DACH1: variants seen among roughly 807,000 people sequenced by gnomAD.
DACH1 encodes the protein dachshund family transcription factor 1.
In DACH1, 12 loss-of-function variants were observed where a neutral mutation model predicts 54.2. The ratio of observed to expected loss-of-function variants is 0.22; its 90% CI spans 0.14 to 0.36. DACH1 has a LOEUF of 0.36. Among genes scored for constraint, DACH1 ranks in the 10% least tolerant of loss-of-function variants. The probability of loss-of-function intolerance (pLI) is 1.00; values close to 1 mark genes in which losing one functional copy is unlikely to be tolerated. For synonymous variants in DACH1, 386 were observed against 366.2 expected (o/e 1.05, Z -0.62); for missense variants, 805 against 929.8 (o/e 0.87, Z 1.75).
chr13:71,565,547 A>G (rs1884848304), intron 4 of DACH1, among the ~76,000 whole-genome samples: 1 of 152,190 alleles, frequency 6.6e-6, no homozygotes, highest in Admixed American at 6.5e-5. Flanking sequence ...TCCTGTATTC[A>G]GAAAAATGCT....
intron 1 of DACH1, among the ~76,000 whole-genome samples, chr13:71,710,741 T>C (rs1882684920): frequency 6.6e-6 from 1 of 152,082 alleles, no homozygotes; most frequent in Non-Finnish European, 1.5e-5. Context: ...TTTCCTTTCT[T>C]CCCTCTTTAC....
chr13:71,865,561 C>T (rs946725984), intron 1 of DACH1, among the ~76,000 whole-genome samples: 1 of 152,104 alleles, frequency 6.6e-6, no homozygotes, highest in African/African-American at 2.4e-5. Flanking sequence ...AGAGGGGTCT[C>T]CAGGCGCCCG....
chr13:71,736,762 G>A (rs539899615), intron 1 of DACH1, among the ~76,000 whole-genome samples: 1 of 152,290 alleles, frequency 6.6e-6, no homozygotes, highest in Non-Finnish European at 1.5e-5. Context: ...TCGATCTGAT[G>A]TATATGAGTA....
intron 6 of DACH1, among the ~76,000 whole-genome samples, chr13:71,544,140 T>C (rs1883315644): frequency 6.6e-6 from 1 of 152,116 alleles, no homozygotes; most frequent in African/African-American, 2.4e-5. Flanking sequence ...CAACTGCCTA[T>C]GACAATTCTC....
chr13:71,787,994 G>A (rs148263631), intron 1 of DACH1, among the ~76,000 whole-genome samples: 4 of 152,258 alleles, frequency 2.6e-5, no homozygotes, highest in African/African-American at 9.6e-5. Context: ...ATATAGTAGT[G>A]TATAGAATTT....
chr13:71,521,702 C>A (rs746746205), intron 6 of DACH1, among the ~76,000 whole-genome samples: 3 of 152,034 alleles, frequency 2.0e-5, no homozygotes, highest in Non-Finnish European at 4.4e-5. Context: ...GTAAAGTAAT[C>A]ACCTGATCCC....
At chr13:71,830,247 C>T (rs1594274121) in intron 1 of DACH1, among the ~76,000 whole-genome samples, 1 of 151,670 alleles carries the variant, frequency 6.6e-6, no homozygotes, top group African/African-American at 2.4e-5. Flanking sequence ...CTTATGATAG[C>T]CAATAGGAAA....
At chr13:71,641,619 CAT>C (rs1304107858) in intron 2 of DACH1, among the ~76,000 whole-genome samples, 2 of 152,092 alleles carry the variant, frequency 1.3e-5, no homozygotes, top group Admixed American at 6.6e-5. Flanking sequence ...TAGAAAAACA[CAT>C]AGTGCCATGT....
intron 1 of DACH1, among the ~76,000 whole-genome samples, chr13:71,722,614 A>T (rs184105269): frequency 1.2e-3 from 188 of 152,316 alleles, no homozygotes; most frequent in African/African-American, 3.6e-3. Flanking sequence ...GATATATATC[A>T]TTTTCTCATT....
chr13:71,645,153 A>G (rs1220128523), intron 2 of DACH1, among the ~76,000 whole-genome samples: 1 of 152,226 alleles, frequency 6.6e-6, no homozygotes. Flanking sequence ...AAGAAACCAT[A>G]AAGTGCTACT....
intron 3 of DACH1, among the ~76,000 whole-genome samples, chr13:71,625,716 T>C (rs1594007796): frequency 6.6e-6 from 1 of 152,050 alleles, no homozygotes; most frequent in East Asian, 1.9e-4. Flanking sequence ...TTTGAGCATG[T>C]GAAATGTGTT....
At chr13:71,736,115 C>G (rs1212145508) in intron 1 of DACH1, among the ~76,000 whole-genome samples, 1 of 152,086 alleles carries the variant, frequency 6.6e-6, no homozygotes, top group Non-Finnish European at 1.5e-5. Context: ...TTCTAGACAT[C>G]AACCCCAAGC....
chr13:71,775,717 CAAT>C (rs1421767156), intron 1 of DACH1, among the ~76,000 whole-genome samples: 1 of 152,028 alleles, frequency 6.6e-6, no homozygotes, highest in African/African-American at 2.4e-5. Context: ...AAAAATAACA[CAAT>C]GATAGGCAGT....
intron 6 of DACH1, among the ~76,000 whole-genome samples, chr13:71,555,519 T>C (rs1181760158): frequency 6.6e-6 from 1 of 151,826 alleles, no homozygotes; most frequent in Non-Finnish European, 1.5e-5. Flanking sequence ...AATTTTTGTA[T>C]TTTTAGTAGA....
intron 2 of DACH1, among the ~76,000 whole-genome samples, chr13:71,634,674 A>G (rs902003192): frequency 1.3e-5 from 2 of 152,086 alleles, no homozygotes; most frequent in South Asian, 2.1e-4. Context: ...TACTCTTTTA[A>G]AGAGCTGTAC....
chr13:71,828,398 G>T (rs1325187089), intron 1 of DACH1, among the ~76,000 whole-genome samples: 1 of 151,924 alleles, frequency 6.6e-6, no homozygotes, highest in African/African-American at 2.4e-5. Context: ...TAACCTCTGT[G>T]AAACCTACAT....
chr13:71,694,096 A>G (rs1881683291), intron 1 of DACH1, among the ~76,000 whole-genome samples: 1 of 152,174 alleles, frequency 6.6e-6, no homozygotes, highest in Admixed American at 6.5e-5. Flanking sequence ...AAGATGGCTG[A>G]CGCAACCTAA....
At chr13:71,468,320 A>G (rs1382548644) in intron 10 of DACH1, among the ~76,000 whole-genome samples, 1 of 152,188 alleles carries the variant, frequency 6.6e-6, no homozygotes, top group Non-Finnish European at 1.5e-5. Flanking sequence ...AGTGCTTTAC[A>G]TGGATTATTT....
chr13:71,555,078 T>C (rs1884152630), intron 6 of DACH1, among the ~76,000 whole-genome samples: 1 of 152,124 alleles, frequency 6.6e-6, no homozygotes, highest in African/African-American at 2.4e-5. Context: ...GCAAGAGAAT[T>C]TAGCTCTAAT....
Sources: allele counts gnomAD v4.1 joint callset (sites outside exome capture counted in the v4.1 genomes callset), GRCh38; gene constraint gnomAD v4.1.1; transcripts MANE v1.5; gene names NCBI Gene and HGNC (gene_info 2026-07-23, HGNC 2026-07-21).